Variants in GRIA2 observed in about 807,000 individuals in gnomAD.
The protein encoded by GRIA2 is glutamate receptor 2.
GRIA2 carries 14 observed loss-of-function variants against 97.3 expected under a neutral mutation model. That is an observed-to-expected ratio of 0.14 (90% confidence interval 0.10 to 0.23). The LOEUF (loss-of-function observed/expected upper bound fraction) is 0.23, where lower values mean the gene tolerates loss of function less well. Ranked by LOEUF, GRIA2 falls within the 10% of genes least tolerant of loss-of-function variation. GRIA2 has a pLI of 1.00. For missense variants in GRIA2, 558 were observed against 1,069.8 expected (o/e 0.52, Z 6.67); for synonymous variants, 412 against 387.8 (o/e 1.06, Z -0.73).
At chr4:157,340,670 T>C (rs1481033364) in intron 11 of GRIA2, among the ~76,000 whole-genome samples, 1 of 151,924 alleles carries the variant, frequency 6.6e-6, no homozygotes, top group Non-Finnish European at 1.5e-5. Context: ...TTATATTTTG[T>C]GCGGTATCTT....
chr4:157,332,787 C>T lies in GRIA2; in HGVS notation c.883-32C>T, dbSNP rs771228618. ...TGCAGTGAGTTTCTGAATTTTCTCCCGTTCTTATGAAATGTGTGTGATCCT... is the reference window on the plus strand; with the variant it reads ...TGCAGTGAGTTTCTGAATTTTCTCCTGTTCTTATGAAATGTGTGTGATCCT... On this transcript the variant is annotated intron_variant, in intron 6 of 15. Transcript: ENST00000264426. 1.2e-5 allele frequency: 19 copies of T among 1,564,576 alleles called. No homozygotes were observed. In the East Asian group the frequency reaches 1.4e-4, roughly 11 times the overall value.
chr4:157,255,614 T>C (rs1731207361), intron 2 of GRIA2, among the ~76,000 whole-genome samples: 1 of 151,824 alleles, frequency 6.6e-6, no homozygotes, highest in African/African-American at 2.4e-5. Context: ...TGGTGTAAGA[T>C]GATATCTCAT....
intron 2 of GRIA2, among the ~76,000 whole-genome samples, chr4:157,262,261 T>C (rs1041584477): frequency 1.3e-5 from 2 of 152,086 alleles, no homozygotes; most frequent in African/African-American, 4.8e-5. Flanking sequence ...AATTTTCATA[T>C]GGAAGTTTGG....
chr4:157,260,296 A>G (rs913615085), intron 2 of GRIA2, among the ~76,000 whole-genome samples: 5 of 152,254 alleles, frequency 3.3e-5, no homozygotes, highest in East Asian at 1.9e-4. Flanking sequence ...ACTGTTAATT[A>G]CAATAAAAAT....
rs750294484 is a variant in GRIA2 at position 157,365,985 on chromosome 4, G to C, written c.*2554G>C. 1 of 151,374 alleles carries C rather than the reference G, an allele frequency of 6.6e-6. No individual in the cohort carries two copies. Among genetic ancestry groups the C allele is most frequent in the South Asian group, 2.1e-4 (1 of 4,826 alleles). 9.4% of individuals were successfully genotyped at this position (151,374 alleles called of 1,614,324 possible). On this transcript the variant is annotated 3_prime_UTR_variant, in exon 16 of 16. Coordinates refer to ENST00000264426, the MANE Select transcript of GRIA2 (RefSeq NM_001083619.3). ...GTGTACTATGTCAGAAAATGCTTTC[G>C]ATTTTATTTTTAAATCTAACATCGG...
At chr4:157,336,858 C>T (rs987161618) in intron 11 of GRIA2, 111 bp downstream of exon 11, 25 of 907,814 alleles carry the variant, frequency 2.8e-5, no homozygotes, top group African/African-American at 2.7e-4. Flanking sequence ...CCTGTCCAAG[C>T]AGTTTAAGAC....
At chr4:157,228,872 C>T (rs1729875141) in intron 2 of GRIA2, among the ~76,000 whole-genome samples, 1 of 133,866 alleles carries the variant, frequency 7.5e-6, no homozygotes, top group Non-Finnish European at 1.5e-5. Flanking sequence ...AAGCAAGAAC[C>T]TTGTTACAAG....
At chr4:157,270,049 A>C (rs192167277) in intron 2 of GRIA2, among the ~76,000 whole-genome samples, 1 of 152,118 alleles carries the variant, frequency 6.6e-6, no homozygotes, top group Non-Finnish European at 1.5e-5. Flanking sequence ...GCTCTATTTA[A>C]AGTGATTTTG....
Position 157,335,834 on chromosome 4 carries a change from A to C in GRIA2, c.1430A>C (p.Asp477Ala). The change falls in exon 10 of 16, where the codon GAC becomes GCC. Residue 477 changes from aspartate (D) to alanine (A), a missense_variant. Around this residue, in one of 8 missense-constraint regions of GRIA2, gnomAD observed 41 missense variants for 102.2 expected, o/e 0.40. Coordinates refer to ENST00000264426, the MANE Select transcript of GRIA2 (RefSeq NM_001083619.3). The stretch of plus-strand genomic sequence containing the variant: ...GGCAAGTATGGGGCCAGGGATGCAG[A>C]CACGAAAATTTGGAATGGGATGGTT... ...GDGKYGARDA[D>A]TKIWNGMVGE... 6.2e-7 allele frequency: 1 copy of C among 1,612,456 alleles called. No homozygotes were observed. Among genetic ancestry groups the C allele is most frequent in the Non-Finnish European group, 8.5e-7 (1 of 1,178,992 alleles).
At chr4:157,336,866 G>C (rs1318879276) in intron 11 of GRIA2, 119 bp downstream of exon 11, 1 of 839,688 alleles carries the variant, frequency 1.2e-6, no homozygotes, top group Non-Finnish European at 1.9e-6. Context: ...AGCAGTTTAA[G>C]ACTCTTGAAG....
intron 2 of GRIA2, among the ~76,000 whole-genome samples, chr4:157,301,176 G>C (rs1246507860): frequency 1.3e-5 from 2 of 152,126 alleles, no homozygotes; most frequent in South Asian, 4.1e-4. Context: ...ATCAATTGCT[G>C]AACAAATTTA....
intron 12 of GRIA2, among the ~76,000 whole-genome samples, chr4:157,350,762 G>A (rs1212347594): frequency 1.3e-5 from 2 of 151,676 alleles, no homozygotes; most frequent in Non-Finnish European, 2.9e-5. Context: ...TTAGCTTTTT[G>A]GTAACTGCAT....
intron 2 of GRIA2, among the ~76,000 whole-genome samples, chr4:157,231,223 G>C (rs1158715259): frequency 6.6e-6 from 1 of 152,088 alleles, no homozygotes; most frequent in African/African-American, 2.4e-5. Flanking sequence ...TATTTTAGTA[G>C]AGATGGGGTT....
At chr4:157,320,532 C>T (rs1430696155) in intron 5 of GRIA2, among the ~76,000 whole-genome samples, 3 of 151,962 alleles carry the variant, frequency 2.0e-5, no homozygotes, top group African/African-American at 7.2e-5. Context: ...TCTTGATAAA[C>T]AGAAACAAAA....
intron 4 of GRIA2, among the ~76,000 whole-genome samples, chr4:157,314,114 G>A (rs186553976): frequency 3.3e-5 from 5 of 152,250 alleles, no homozygotes; most frequent in Admixed American, 2.6e-4. Flanking sequence ...CCATGTATAA[G>A]TGGATTCACA....
Position 157,274,473 on chromosome 4 carries a change from T to C in GRIA2, c.230-29079T>C, listed in dbSNP as rs557471608. Reference sequence around the variant, plus strand: ...CGTTGGTGTGCTGCACCCATTAACTTGTCATTTAGCATTAGGTGTATCTCC... The same window carrying C: ...CGTTGGTGTGCTGCACCCATTAACTCGTCATTTAGCATTAGGTGTATCTCC... On this transcript the variant is annotated intron_variant, in intron 2 of 15. Coordinates refer to ENST00000264426, the MANE Select transcript of GRIA2 (RefSeq NM_001083619.3). 2.6e-4 allele frequency among the ~76,000 whole-genome samples: 40 copies of C among 151,650 alleles called. 1 individual carries two copies. The East Asian group carries it at 6.5e-3, about 25-fold the overall frequency.
In GRIA2 at chr4:157,363,875, A is replaced by G. The variant is rs895125089; in HGVS notation, c.*444A>G. ...AGACAACAAACCTGTTTCTGCAGCC[A>G]CTATTGTTAGTCTCTTGATTCATAA... On this transcript the variant is annotated 3_prime_UTR_variant, in exon 16 of 16. Coordinates refer to ENST00000264426, the MANE Select transcript of GRIA2 (RefSeq NM_001083619.3). 3.9e-6 allele frequency: 1 copy of G among 253,312 alleles called. No homozygotes were observed. The highest frequency in any genetic ancestry group is 5.5e-5 in the Admixed American group (1 of 18,296). 15.7% of individuals were successfully genotyped at this position (253,312 alleles called of 1,614,324 possible).
chr4:157,226,359 A>T (rs1036016709), intron 2 of GRIA2, among the ~76,000 whole-genome samples: 2 of 152,104 alleles, frequency 1.3e-5, no homozygotes, highest in Non-Finnish European at 2.9e-5. Flanking sequence ...ATCTAATTTG[A>T]AGAAAATTAT....
chr4:157,235,221 C>T (rs895743851), intron 2 of GRIA2, among the ~76,000 whole-genome samples: 15 of 152,194 alleles, frequency 9.9e-5, no homozygotes, highest in African/African-American at 3.6e-4. Flanking sequence ...GCACCAAAAA[C>T]CTATCACAAG....
Sources: gnomAD v4.1 joint callset for allele counts (sites outside exome capture counted in the v4.1 genomes callset) on GRCh38, gnomAD v4.1.1 for gene constraint, gnomAD v4.1.1 regional missense constraint, MANE v1.5 for transcripts, NCBI Gene and HGNC (gene_info 2026-07-23, HGNC 2026-07-21) for gene names.